The following PCNX4 variants were observed in gnomAD, a reference collection of about 807,000 sequenced individuals.
The protein encoded by PCNX4 is pecanex-like protein 4.
A neutral mutation model predicts 107.2 loss-of-function variants in PCNX4; 103 were observed. That is an observed-to-expected ratio of 0.96 (90% CI 0.82 to 1.13). The LOEUF is 1.13. Ranked by LOEUF, PCNX4 falls within the 50% of genes most tolerant of loss-of-function variation. The pLI is 0.00. For synonymous variants in PCNX4, 541 were observed against 481.7 expected, an observed-to-expected ratio of 1.12 and a Z score of -1.61; for missense variants, 1,528 against 1,379.4, an observed-to-expected ratio of 1.11 and a Z score of -1.71.
At chr14:60,110,290 G>A (rs2140542096) in intron 2 of PCNX4, 2 of 167,222 alleles carry the variant, frequency 1.2e-5, no homozygotes, top group Non-Finnish European at 2.9e-5. Flanking sequence ...AAGAAAAGGG[G>A]AAAATTATGC....
rs1475181966 is a variant in PCNX4 at position 60,115,334 on chromosome 14, C to CAT, written c.1230_1231insAT (p.Val411MetfsTer20). 8 of 1,607,472 alleles carry CAT rather than the reference C, an allele frequency of 5.0e-6. No homozygotes were observed. The highest frequency in any genetic ancestry group is 6.8e-6 in the Non-Finnish European group (8 of 1,175,552). ...TGTGGATACTTAGAGAAATTCAAAGCGTATATATCATTGGAATTTTCCGAA... is the reference window on the plus strand; with the variant it reads ...TGTGGATACTTAGAGAAATTCAAAGCATGTATATATCATTGGAATTTTCCGAA... On this transcript the variant is annotated frameshift_variant, in exon 4 of 11. Transcript: ENST00000406854. LOFTEE classifies it high-confidence loss of function.
intron 1 of PCNX4, among the ~76,000 whole-genome samples, chr14:60,093,362 A>G (rs1411345722): frequency 1.3e-5 from 2 of 151,898 alleles, no homozygotes; most frequent in Non-Finnish European, 2.9e-5. Flanking sequence ...TCCCCCCATT[A>G]TCCTTACCCC....
At position 60,141,397 on chromosome 14, in the gene PCNX4, A is replaced by G. The variant is rs957761045; in HGVS notation, c.*7176A>G. 1.6e-4 allele frequency: 24 copies of G among 152,234 alleles called. No individual in the cohort carries two copies. Among genetic ancestry groups the G allele is most frequent in the African/African-American group, 4.8e-4 (20 of 41,470 alleles). The allele number at this position is 152,234 out of a possible 1,614,324, so 9.4% of individuals were successfully genotyped here. The stretch of plus-strand genomic sequence containing the variant: ...TCCATAAACCTGTAGAAAGACTGAC[A>G]AAAAGAAAAAACACAAATCATTATT... On this transcript the variant is annotated 3_prime_UTR_variant, in exon 11 of 11. Transcript: ENST00000406854.
intron 10 of PCNX4, 159 bp downstream of exon 10, chr14:60,125,982 A>G (rs1280497728): frequency 7.8e-6 from 4 of 513,642 alleles, no homozygotes; most frequent in Non-Finnish European, 1.3e-5. Context: ...TGGCTAAGCT[A>G]GATGAACTCT....
chr14:60,100,831 C>T (rs1205737128), intron 1 of PCNX4, among the ~76,000 whole-genome samples: 1 of 152,194 alleles, frequency 6.6e-6, no homozygotes, highest in Non-Finnish European at 1.5e-5. Flanking sequence ...AATATATTTC[C>T]TTGCCATACC....
chr14:60,144,915 T>G lies in PCNX4; in HGVS notation c.*10694T>G. The G allele has an allele frequency of 6.8e-7, 1 of 1,460,010 alleles. No individual in the cohort carries two copies. The highest frequency in any genetic ancestry group is 1.7e-5 in the Admixed American group (1 of 59,668). The allele number at this position is 1,460,010 out of a possible 1,614,324, so 90.4% of individuals were successfully genotyped here. A position where few individuals can be genotyped will look rare whatever the true frequency, so the allele number is the denominator to read the frequency against. On this transcript the variant is annotated 3_prime_UTR_variant, in exon 11 of 11. Coordinates refer to ENST00000406854, the MANE Select transcript of PCNX4 (RefSeq NM_001330177.2). The stretch of plus-strand genomic sequence containing the variant: ...CAGAAGCATAAGAAGATTGCTGTTT[T>G]CATGTTTTCCATTTCTCCCTCCAGT...
intron 10 of PCNX4, among the ~76,000 whole-genome samples, chr14:60,130,570 A>G (rs924058497): frequency 1.3e-5 from 2 of 152,126 alleles, no homozygotes; most frequent in Non-Finnish European, 2.9e-5. Flanking sequence ...TAGAACTTCT[A>G]GCCAGGTGGT....
intron 2 of PCNX4, chr14:60,109,907 A>G (rs1895708649): frequency 6.0e-6 from 1 of 167,162 alleles, no homozygotes. Context: ...ATACCTACGT[A>G]AGGAGAGTTC....
intron 1 of PCNX4, among the ~76,000 whole-genome samples, chr14:60,094,574 T>C (rs1895383403): frequency 1.3e-5 from 2 of 152,034 alleles, no homozygotes; most frequent in African/African-American, 4.8e-5. Flanking sequence ...ACCCTGCAAC[T>C]GGAACAAAGG....
chr14:60,145,814 C>A lies in PCNX4; in HGVS notation c.*11593C>A, dbSNP rs1896391281. The A allele has an allele frequency of 6.6e-6, 1 of 151,962 alleles. No homozygotes were observed. The highest frequency in any genetic ancestry group is 6.6e-5 in the Admixed American group (1 of 15,228). The allele number at this position is 151,962 out of a possible 1,614,324, so 9.4% of individuals were successfully genotyped here. A position where few individuals can be genotyped will look rare whatever the true frequency, so the allele number is the denominator to read the frequency against. ...CATTTACCACTTTCAAAACTTTGCA[C>A]TAAGAAAGACAAAATAATAATAATG... On this transcript the variant is annotated 3_prime_UTR_variant, in exon 11 of 11. Coordinates refer to ENST00000406854, the MANE Select transcript of PCNX4 (RefSeq NM_001330177.2). The surrounding 1 kb of genome is among the most constrained non-coding windows in gnomAD (Gnocchi z 4.0).
In PCNX4 at chr14:60,116,023, G is replaced by A. The variant is rs993338291; in HGVS notation, c.1541G>A (p.Trp514Ter). The change falls in exon 6 of 11, where the codon TGG becomes TAG. Residue 514 changes from tryptophan (W) to a stop codon, truncating the protein, a stop_gained. Coordinates refer to ENST00000406854, the MANE Select transcript of PCNX4 (RefSeq NM_001330177.2). LOFTEE classifies it high-confidence loss of function. ...TTGATCTCCAGTACAGACATATGGT[G>A]GAACAGAAGCCTGGATACAGGACTC... Reference protein sequence around the residue: ...VHLISSTDIWWNRSLDTGLRL... With the variant: ...VHLISSTDIW 1.2e-6 allele frequency: 2 copies of A among 1,612,418 alleles called. No homozygotes were observed. The highest frequency in any genetic ancestry group is 1.7e-6 in the Non-Finnish European group (2 of 1,179,294).
chr14:60,126,929 T>C (rs1017484424), intron 10 of PCNX4, among the ~76,000 whole-genome samples: 1 of 152,136 alleles, frequency 6.6e-6, no homozygotes, highest in African/African-American at 2.4e-5. Flanking sequence ...ACCAAATGCT[T>C]ATCTCCTAAA....
chr14:60,092,261 CG>C lies in PCNX4; in HGVS notation c.-208del, dbSNP rs1360086799. On this transcript the variant is annotated 5_prime_UTR_variant, in exon 1 of 11. The change creates a premature stop within an existing upstream ORF in the 5' untranslated region. Coordinates refer to ENST00000406854, the MANE Select transcript of PCNX4 (RefSeq NM_001330177.2). ...CATGGAAACCGAGAGCTGGCCCGGG[CG>C]GGGCCGCGGTGAGCTCGTTATTCGG... 6.6e-6 allele frequency: 1 copy of C among 152,286 alleles called. No homozygotes were observed. Among genetic ancestry groups the C allele is most frequent in the Non-Finnish European group, 1.5e-5 (1 of 68,066 alleles). The allele number at this position is 152,286 out of a possible 1,614,324, so 9.4% of individuals were successfully genotyped here.
rs759379356 is a variant in PCNX4 at position 60,124,247 on chromosome 14, T to C, written c.2076T>C (p.His692=). ...TAGAATTGCAGGAAACATCCTGTCATACTGCAGAAGCTCGCAGAGTTGATG... is the reference window on the plus strand; with the variant it reads ...TAGAATTGCAGGAAACATCCTGTCACACTGCAGAAGCTCGCAGAGTTGATG... ...KGLELQETSC[H]TAEARRVDEV... is the part of the protein sequence containing the mutation. Residue 692 remains histidine (H), a synonymous_variant, in exon 9 of 11, where the codon CAT becomes CAC. Transcript: ENST00000406854. 1.3e-6 allele frequency: 2 copies of C among 1,597,542 alleles called. No homozygotes were observed. The highest frequency in any genetic ancestry group is 4.5e-5 in the East Asian group (2 of 44,534).
At chr14:60,096,283 G>T (rs190188448) in intron 1 of PCNX4, among the ~76,000 whole-genome samples, 3 of 152,256 alleles carry the variant, frequency 2.0e-5, no homozygotes, top group Admixed American at 2.0e-4. Context: ...ATACGGTTTT[G>T]CAGCACAGCT....
At chr14:60,094,924 ATTAAT>A (rs1447897507) in intron 1 of PCNX4, among the ~76,000 whole-genome samples, 1 of 152,064 alleles carries the variant, frequency 6.6e-6, no homozygotes, top group Non-Finnish European at 1.5e-5. Context: ...TGTAAAATAA[ATTAAT>A]TTATTTCTAG....
rs1361092982 is a variant in PCNX4 at position 60,140,229 on chromosome 14, C to T, written c.*6008C>T. ...GACAAAATATGTGCACAACTTCATG[C>T]CAATTAGTTGGAAATTTTAGATGAA... is the stretch of plus-strand genomic sequence containing the variant. On this transcript the variant is annotated 3_prime_UTR_variant, in exon 11 of 11. Transcript: ENST00000406854. This position sits in a 1 kb window ranked among gnomAD's most constrained non-coding sequence, Gnocchi z 4.2. The T allele has an allele frequency of 6.6e-6, 1 of 152,018 alleles. No homozygotes were observed. 9.4% of individuals were successfully genotyped at this position (152,018 alleles called of 1,614,324 possible). A position where few individuals can be genotyped will look rare whatever the true frequency, so the allele number is the denominator to read the frequency against.
intron 10 of PCNX4, 69 bp downstream of exon 10, chr14:60,125,892 T>G: frequency 2.0e-6 from 2 of 982,752 alleles, no homozygotes; most frequent in Non-Finnish European, 2.8e-6. Context: ...ATAAAGTATT[T>G]GAACTAAGTG....
At chr14:60,093,347 C>T (rs1895348071) in intron 1 of PCNX4, among the ~76,000 whole-genome samples, 1 of 152,196 alleles carries the variant, frequency 6.6e-6, no homozygotes, top group South Asian at 2.1e-4. Context: ...CAGTCACCAC[C>T]TCCCTCCCCC....
Sources: gnomAD v4.1 joint callset for allele counts (sites outside exome capture counted in the v4.1 genomes callset) on GRCh38, gnomAD v4.1.1 for gene constraint, Gnocchi (gnomAD v3.1) non-coding constraint, MANE v1.5 for transcripts, NCBI Gene and HGNC (gene_info 2026-07-23, HGNC 2026-07-21) for gene names.